Variants in TIAM1 observed in about 807,000 individuals in gnomAD.
The protein encoded by TIAM1 is TIAM Rac1 associated GEF 1, also known as rho guanine nucleotide exchange factor TIAM1.
TIAM1 carries 65 observed loss-of-function variants against 163.5 expected under a neutral mutation model. The ratio of observed to expected loss-of-function variants is 0.40; its 90% CI spans 0.33 to 0.49. TIAM1 has a LOEUF of 0.49. Ranked by LOEUF, TIAM1 falls within the 20% of genes least tolerant of loss-of-function variation. The pLI is 0.77. For missense variants in TIAM1, 1,789 were observed against 2,044.7 expected (o/e 0.87, Z 2.41); for synonymous variants, 833 against 810.1 (o/e 1.03, Z -0.48).
chr21:31,451,067 A>G (rs867118583), intron 2 of TIAM1, among the ~76,000 whole-genome samples: 17 of 112,284 alleles, frequency 1.5e-4, no homozygotes, highest in South Asian at 1.5e-3. Context: ...TTCTCAGAGG[A>G]AAAAAAAAAA....
At chr21:31,249,798 A>C (rs2071695044) in intron 5 of TIAM1, among the ~76,000 whole-genome samples, 1 of 152,122 alleles carries the variant, frequency 6.6e-6, no homozygotes. Flanking sequence ...GTTCTCCAAA[A>C]TGCTTCCACA....
chr21:31,472,885 G>T (rs141957810), intron 1 of TIAM1, among the ~76,000 whole-genome samples: 86 of 152,304 alleles, frequency 5.6e-4, no homozygotes, highest in African/African-American at 2.0e-3. Flanking sequence ...ATCAGAAATT[G>T]TCCTCTGCAG....
intron 13 of TIAM1, among the ~76,000 whole-genome samples, chr21:31,190,770 G>A (rs1251966107): frequency 6.6e-6 from 1 of 152,178 alleles, no homozygotes; most frequent in Non-Finnish European, 1.5e-5. Flanking sequence ...AGAGAGGCAA[G>A]AGAGAGAAAT....
At position 31,479,539 on chromosome 21, in the gene TIAM1, A is replaced by C. The variant is rs78850533; in HGVS notation, c.-421-15504T>G. Among the ~76,000 whole-genome samples, 345 of 152,246 alleles carry C rather than the reference A, an allele frequency of 2.3e-3. 1 individual carries two copies. Among genetic ancestry groups the C allele is most frequent in the African/African-American group, 7.6e-3 (314 of 41,548 alleles). On this transcript the variant is annotated intron_variant, in intron 1 of 28. Coordinates refer to the TIAM1 transcript ENST00000286827. ...TTGTATAGGCTTGTGACCAATTGTT[A>C]AAGTTTTAGGAATTTTGTAGACCAG... is the stretch of plus-strand genomic sequence containing the variant.
exon 1 of TIAM1, chr21:31,558,952 C>G (rs2123353685): frequency 6.6e-6 from 1 of 151,924 alleles, no homozygotes; most frequent in African/African-American, 2.4e-5. Flanking sequence ...GGGATCTCCG[C>G]GACGGGGCCG....
At chr21:31,250,636 C>G (rs941769504) in intron 5 of TIAM1, among the ~76,000 whole-genome samples, 26 of 152,232 alleles carry the variant, frequency 1.7e-4, no homozygotes, top group African/African-American at 6.0e-4. Context: ...GCTTCTTCCT[C>G]TTGTGCCCTT....
intron 3 of TIAM1, among the ~76,000 whole-genome samples, chr21:31,271,274 A>G (rs530163282): frequency 2.0e-5 from 3 of 152,288 alleles, no homozygotes; most frequent in South Asian, 4.1e-4. Context: ...ATGAATGACA[A>G]AGACACTTTA....
intron 1 of TIAM1, among the ~76,000 whole-genome samples, chr21:31,541,903 G>C (rs1210831468): frequency 6.6e-6 from 1 of 152,198 alleles, no homozygotes; most frequent in Non-Finnish European, 1.5e-5. Flanking sequence ...TCGAAGCTAA[G>C]TGCTTGCCCA....
intron 4 of TIAM1, among the ~76,000 whole-genome samples, chr21:31,258,795 C>CA (rs1271154570): frequency 7.0e-6 from 1 of 143,318 alleles, no homozygotes; most frequent in Non-Finnish European, 1.5e-5. Flanking sequence ...AGCCTGGCGA[C>CA]AGAGTGAGAC....
intron 4 of TIAM1, among the ~76,000 whole-genome samples, chr21:31,261,454 G>A (rs1330343199): frequency 6.6e-6 from 1 of 152,126 alleles, no homozygotes; most frequent in Non-Finnish European, 1.5e-5. Flanking sequence ...GCTCACGCCT[G>A]TAATCCTAGC....
At chr21:31,321,788 G>A (rs1414053106) in intron 2 of TIAM1, among the ~76,000 whole-genome samples, 2 of 152,046 alleles carry the variant, frequency 1.3e-5, no homozygotes, top group Admixed American at 6.6e-5. Context: ...GCCGGGCACG[G>A]TGGCTCACAC....
chr21:31,486,469 C>A (rs988096329), intron 1 of TIAM1, among the ~76,000 whole-genome samples: 2 of 152,268 alleles, frequency 1.3e-5, no homozygotes, highest in Non-Finnish European at 2.9e-5. Flanking sequence ...GTCAGCACCT[C>A]CACCAGCCTG....
chr21:31,133,832 G>A (rs2082511538), intron 23 of TIAM1, among the ~76,000 whole-genome samples: 1 of 152,170 alleles, frequency 6.6e-6, no homozygotes, highest in Non-Finnish European at 1.5e-5. Flanking sequence ...CACTTTGGGA[G>A]GCCGAGGCGG....
chr21:31,361,805 ATAT>A (rs1157007186), intron 2 of TIAM1, among the ~76,000 whole-genome samples: 4 of 152,100 alleles, frequency 2.6e-5, no homozygotes, highest in Non-Finnish European at 5.9e-5. Flanking sequence ...ATAGCAGATG[ATAT>A]TATCATAGAT....
chr21:31,211,460 A>G (rs1435750797), intron 10 of TIAM1, among the ~76,000 whole-genome samples: 1 of 152,236 alleles, frequency 6.6e-6, no homozygotes, highest in African/African-American at 2.4e-5. Flanking sequence ...GTAAATATGT[A>G]TCTACTGATG....
chr21:31,171,752 GT>G (rs1458190261), intron 15 of TIAM1, among the ~76,000 whole-genome samples: 2 of 152,192 alleles, frequency 1.3e-5, no homozygotes, highest in Admixed American at 1.3e-4. Flanking sequence ...TTGATAATAT[GT>G]TAATTGTGAT....
At chr21:31,131,171 A>T (rs759682555) in intron 23 of TIAM1, among the ~76,000 whole-genome samples, 10 of 152,234 alleles carry the variant, frequency 6.6e-5, no homozygotes, top group South Asian at 2.1e-4. Context: ...AGCCTACATA[A>T]ATGGAATTAA....
chr21:31,450,530 C>A (rs2044791648), intron 2 of TIAM1, among the ~76,000 whole-genome samples: 1 of 152,124 alleles, frequency 6.6e-6, no homozygotes, highest in African/African-American at 2.4e-5. Flanking sequence ...CCCAAAGGAC[C>A]TCAGTGAAGG....
intron 1 of TIAM1, among the ~76,000 whole-genome samples, chr21:31,527,268 C>A (rs2047819917): frequency 6.6e-6 from 1 of 152,096 alleles, no homozygotes; most frequent in African/African-American, 2.4e-5. Context: ...CTCATGCTGA[C>A]ACACAAGCAT....
Sources: gnomAD v4.1 joint callset for allele counts (sites outside exome capture counted in the v4.1 genomes callset) on GRCh38, gnomAD v4.1.1 for gene constraint, MANE v1.5 for transcripts, NCBI Gene and HGNC (gene_info 2026-07-23, HGNC 2026-07-21) for gene names.